The following DHX8 variants were observed in gnomAD, a reference collection of about 807,000 sequenced individuals.
DHX8 encodes DEAH-box helicase 8.
A neutral mutation model predicts 140.7 loss-of-function variants in DHX8; 67 were observed. That is an observed-to-expected ratio of 0.48 (90% CI 0.39 to 0.58). The LOEUF is 0.58. Among genes scored for constraint, DHX8 ranks in the 20% least tolerant of loss-of-function variants. The probability of loss-of-function intolerance (pLI) is 0.00; values close to 1 mark genes in which losing one functional copy is unlikely to be tolerated. For missense variants in DHX8, 887 were observed against 1,550.7 expected (o/e 0.57, Z 7.19); for synonymous variants, 533 against 553.2 (o/e 0.96, Z 0.51).
chr17:43,492,362 A>G, intron 5 of DHX8, 70 bp downstream of exon 5: 1 of 1,341,200 alleles, frequency 7.5e-7, no homozygotes, highest in Non-Finnish European at 1.1e-6. Context: ...GGACCAGCCA[A>G]GCAAAATTTT....
At chr17:43,528,807 G>A, downstream of DHX8, 4 of 1,330,048 alleles carry the variant, frequency 3.0e-6, no homozygotes, top group East Asian at 4.7e-5. Flanking sequence ...GGGGTAAGGT[G>A]GGGGAGTGGG....
chr17:43,529,864 T>G (rs1970801665), downstream of DHX8: 1 of 1,613,628 alleles, frequency 6.2e-7, no homozygotes, highest in Admixed American at 1.7e-5. Context: ...GACCCTCCCA[T>G]CAACAGTCAC....
Position 43,508,230 on chromosome 17 carries a change from A to G in DHX8, c.2321-109A>G, listed in dbSNP as rs186384292. On this transcript the variant is annotated intron_variant, in intron 15 of 22. Transcript: ENST00000262415. ...GTATTGTTTACTTACTGGTCAGAAT[A>G]TGAATGCATATGTTCTGTTATTTGA... 3.5e-5 allele frequency: 50 copies of G among 1,411,450 alleles called. No individual in the cohort carries two copies. The African/African-American group carries it at 5.5e-4, about 16-fold the overall frequency. The allele number at this position is 1,411,450 out of a possible 1,614,324, so 87.4% of individuals were successfully genotyped here. A position where few individuals can be genotyped will look rare whatever the true frequency, so the allele number is the denominator to read the frequency against.
downstream of DHX8, chr17:43,528,635 G>T (rs760879823): frequency 3.6e-5 from 58 of 1,614,072 alleles, 2 homozygotes; most frequent in South Asian, 5.9e-4. Context: ...TCACTGACAG[G>T]CCGGTCAAAC....
intron 10 of DHX8, 34 bp downstream of exon 10, chr17:43,498,993 C>A: frequency 6.7e-7 from 1 of 1,499,978 alleles, no homozygotes; most frequent in South Asian, 1.2e-5. Context: ...CTGGAAATGT[C>A]AAGTGGACTT....
intron 2 of DHX8, among the ~76,000 whole-genome samples, chr17:43,532,174 CTT>C: frequency 6.6e-6 from 1 of 152,154 alleles, no homozygotes; most frequent in Non-Finnish European, 1.5e-5. Flanking sequence ...CCCCCCTTAT[CTT>C]TTAATCTGAA....
intron 2 of DHX8, 80 bp from the exon 3 acceptor site, chr17:43,490,311 C>A: frequency 1.9e-6 from 2 of 1,080,322 alleles, no homozygotes; most frequent in Non-Finnish European, 2.8e-6. Context: ...CCCTTCCCTA[C>A]AGGACATTCT....
At chr17:43,506,286 A>G (rs994148222) in intron 12 of DHX8, among the ~76,000 whole-genome samples, 2 of 151,120 alleles carry the variant, frequency 1.3e-5, no homozygotes, top group African/African-American at 4.9e-5. Flanking sequence ...GATTACAGGC[A>G]TGAGCCACTG....
chr17:43,511,742 G>A (rs1969851328), intron 16 of DHX8, among the ~76,000 whole-genome samples: 1 of 150,456 alleles, frequency 6.6e-6, no homozygotes. Context: ...ACAGGCATGA[G>A]CCACCACGCC....
At chr17:43,503,299 A>G (rs1375946700) in intron 11 of DHX8, among the ~76,000 whole-genome samples, 5 of 152,014 alleles carry the variant, frequency 3.3e-5, no homozygotes, top group African/African-American at 1.2e-4. Context: ...GGAGTTTGAG[A>G]CCAGCCTAGC....
chr17:43,540,368 G>T (rs1427196372), intron 3 of DHX8, among the ~76,000 whole-genome samples: 2 of 152,158 alleles, frequency 1.3e-5, no homozygotes, highest in African/African-American at 4.8e-5. Flanking sequence ...CAGGAGAATC[G>T]CTTGAACCCA....
chr17:43,488,610 T>TAA (rs60524796), intron 1 of DHX8, among the ~76,000 whole-genome samples: 32,081 of 142,066 alleles, frequency 0.23, 3,649 homozygotes, highest in East Asian at 0.32. Flanking sequence ...GACTCTGTCT[T>TAA]AAAAAAAAAA....
intron 16 of DHX8, among the ~76,000 whole-genome samples, chr17:43,509,506 T>TG (rs1969690297): frequency 6.7e-6 from 1 of 150,202 alleles, no homozygotes; most frequent in Non-Finnish European, 1.5e-5. Flanking sequence ...TTTTTTGAGA[T>TG]GGGGTCTCAG....
chr17:43,499,951 A>G lies in DHX8; in HGVS notation c.1399-5A>G, dbSNP rs755730324. ...TCCATGTTGTTTTTTCTTCTGTTGC[A>G]CCAGAACCCAGACGGCTCCCTCTCC... is the stretch of plus-strand genomic sequence containing the variant. On this transcript the variant is annotated splice_polypyrimidine_tract_variant and splice_region_variant and intron_variant, in intron 10 of 22. Coordinates refer to ENST00000262415, the MANE Select transcript of DHX8 (RefSeq NM_004941.3). 6.2e-7 allele frequency: 1 copy of G among 1,613,122 alleles called. No homozygotes were observed. Among genetic ancestry groups the G allele is most frequent in the African/African-American group, 1.3e-5 (1 of 74,844 alleles).
intron 2 of DHX8, chr17:43,533,989 TG>T: frequency 4.6e-6 from 7 of 1,524,118 alleles, no homozygotes; most frequent in South Asian, 1.3e-5. Context: ...AAAGCTACTG[TG>T]GGGGTGGAGG....
rs1968695792 is a variant in DHX8 at position 43,493,978 on chromosome 17, C to A, written c.1212+92C>A. ...CCTGGAGCACGATGGCCTGGGATAA[C>A]TTTTGGCCACTGTATTAGTCTGTTT... On this transcript the variant is annotated intron_variant, in intron 8 of 22. Coordinates refer to ENST00000262415, the MANE Select transcript of DHX8 (RefSeq NM_004941.3). 3 of 1,289,284 alleles carry A rather than the reference C, an allele frequency of 2.3e-6. No individual in the cohort carries two copies. In the African/African-American group the frequency reaches 4.4e-5, roughly 19 times the overall value. The allele number at this position is 1,289,284 out of a possible 1,614,324, so 79.9% of individuals were successfully genotyped here.
At chr17:43,498,751 G>C in intron 9 of DHX8, 111 bp from the exon 10 acceptor site, 2 of 807,794 alleles carry the variant, frequency 2.5e-6, no homozygotes, top group Non-Finnish European at 3.8e-6. Context: ...GCCCCACCAG[G>C]GGAAGCTGTT....
rs190384204 is a variant in DHX8, at chr17:43,490,960, C to T, written c.308-205C>T. Among the ~76,000 whole-genome samples, 1,035 of 152,168 alleles carry T rather than the reference C, an allele frequency of 6.8e-3. 14 individuals are homozygous for T. Among genetic ancestry groups the T allele is most frequent in the South Asian group, 0.025 (119 of 4,816 alleles). Reference sequence around the variant, plus strand: ...AATGAGTATTGCTACACTCCTCTTTCTGCTACATTTCGAGATAGTTTGTGA... The same window carrying T: ...AATGAGTATTGCTACACTCCTCTTTTTGCTACATTTCGAGATAGTTTGTGA... On this transcript the variant is annotated intron_variant, in intron 3 of 22. Transcript: ENST00000262415.
At chr17:43,540,900 G>A (rs146806393) in intron 3 of DHX8, among the ~76,000 whole-genome samples, 4 of 152,026 alleles carry the variant, frequency 2.6e-5, no homozygotes, top group African/African-American at 4.8e-5. Context: ...GGTGGCTGAC[G>A]CATTCCGGCC....
Sources: allele counts gnomAD v4.1 joint callset (sites outside exome capture counted in the v4.1 genomes callset), GRCh38; gene constraint gnomAD v4.1.1; transcripts MANE v1.5; gene names NCBI Gene and HGNC (gene_info 2026-07-23, HGNC 2026-07-21).